The following KCNMB2 variants were observed in gnomAD, a reference collection of about 807,000 sequenced individuals.
KCNMB2 encodes potassium calcium-activated channel subfamily M regulatory beta subunit 2, also known as calcium-activated potassium channel subunit beta-2.
Under a neutral mutation model 24.5 loss-of-function variants are expected in KCNMB2, and 9 were observed. That is an observed-to-expected ratio of 0.37 (90% CI 0.22 to 0.64). The LOEUF (loss-of-function observed/expected upper bound fraction) is 0.64. Among genes scored for constraint, KCNMB2 ranks in the 30% least tolerant of loss-of-function variants. The pLI is 0.63. For missense variants in KCNMB2, 226 were observed against 284.3 expected (o/e 0.79, Z 1.47); for synonymous variants, 109 against 104.4 (o/e 1.04, Z -0.27).
At chr3:178,759,497 G>A (rs1374253884) in intron 1 of KCNMB2, among the ~76,000 whole-genome samples, 3 of 83,300 alleles carry the variant, frequency 3.6e-5, no homozygotes, top group Non-Finnish European at 4.6e-5. Context: ...ATCTCCAAGA[G>A]GATATATATA....
chr3:178,623,083 C>T (rs961077115), intron 1 of KCNMB2, among the ~76,000 whole-genome samples: 2 of 152,062 alleles, frequency 1.3e-5, no homozygotes, highest in Non-Finnish European at 2.9e-5. Context: ...AGAAATAAAG[C>T]CCAAGGAATC....
chr3:178,780,052 T>TA (rs1560018444), intron 1 of KCNMB2, among the ~76,000 whole-genome samples: 65 of 118,130 alleles, frequency 5.5e-4, no homozygotes, highest in African/African-American at 2.0e-3. Context: ...GTTGTTTTTT[T>TA]TAAAAAAAAA....
At chr3:178,695,772 C>T (rs1170880984) in intron 1 of KCNMB2, among the ~76,000 whole-genome samples, 1 of 152,174 alleles carries the variant, frequency 6.6e-6, no homozygotes, top group African/African-American at 2.4e-5. Flanking sequence ...AACTTTCCCA[C>T]ATCTTCCTGT....
At chr3:178,598,570 AG>A (rs1473418426) in intron 1 of KCNMB2, among the ~76,000 whole-genome samples, 2 of 152,054 alleles carry the variant, frequency 1.3e-5, no homozygotes, top group Admixed American at 1.3e-4. Flanking sequence ...GTTAGAAGAA[AG>A]GGGGAAGGAG....
intron 1 of KCNMB2, among the ~76,000 whole-genome samples, chr3:178,748,659 T>C (rs1303289449): frequency 6.6e-6 from 1 of 152,208 alleles, no homozygotes; most frequent in Non-Finnish European, 1.5e-5. Flanking sequence ...GCAGGAAATA[T>C]TCTGAACTTT....
At chr3:178,756,837 C>T (rs1365274305) in intron 1 of KCNMB2, among the ~76,000 whole-genome samples, 2 of 151,952 alleles carry the variant, frequency 1.3e-5, no homozygotes, top group East Asian at 1.9e-4. Flanking sequence ...AAACTCATGC[C>T]TGAATGAAGC....
chr3:178,797,103 A>T (rs1438517925), intron 1 of KCNMB2, among the ~76,000 whole-genome samples: 1 of 152,202 alleles, frequency 6.6e-6, no homozygotes, highest in Non-Finnish European at 1.5e-5. Flanking sequence ...GACTACTACG[A>T]GCAACTATAT....
chr3:178,812,677 C>G (rs1437030253), intron 2 of KCNMB2, among the ~76,000 whole-genome samples: 1 of 152,016 alleles, frequency 6.6e-6, no homozygotes, highest in Non-Finnish European at 1.5e-5. Context: ...TAACCAATTG[C>G]CCCAGCATCA....
chr3:178,824,461 A>T (rs901375159), intron 2 of KCNMB2: 2 of 151,704 alleles, frequency 1.3e-5, no homozygotes, highest in Non-Finnish European at 2.9e-5. Context: ...TCCGCCTCCC[A>T]GGTTCACGCC....
intron 1 of KCNMB2, among the ~76,000 whole-genome samples, chr3:178,699,139 T>C (rs912620195): frequency 6.6e-5 from 10 of 152,158 alleles, no homozygotes; most frequent in African/African-American, 2.4e-4. Flanking sequence ...GCACTAGAAG[T>C]GGTGTTGGCT....
chr3:178,728,676 T>C (rs552887639), intron 1 of KCNMB2, among the ~76,000 whole-genome samples: 4 of 152,138 alleles, frequency 2.6e-5, no homozygotes, highest in African/African-American at 4.8e-5. Context: ...CCTCTACCTG[T>C]GCTGTCCTTT....
chr3:178,684,995 T>C (rs1055259095), intron 1 of KCNMB2, among the ~76,000 whole-genome samples: 7 of 152,232 alleles, frequency 4.6e-5, no homozygotes, highest in African/African-American at 1.7e-4. Context: ...AAGAAATGCA[T>C]ACATCTTTTA....
rs538241001 is a variant in KCNMB2 at position 178,649,311 on chromosome 3, C to T, written c.-68+112600C>T. 1.4e-4 allele frequency among the ~76,000 whole-genome samples: 22 copies of T among 152,224 alleles called. No homozygotes were observed. The East Asian group carries it at 2.7e-3, about 19-fold the overall frequency. ...AAACTAGAGATACTCATAAACATCA[C>T]CTTCTATTCTTTTCATATTTTTACT... is the stretch of plus-strand genomic sequence containing the variant. On this transcript the variant is annotated intron_variant, in intron 1 of 4. Coordinates refer to ENST00000452583, the MANE Select transcript of KCNMB2 (RefSeq NM_181361.3).
In KCNMB2 at chr3:178,628,361, A is replaced by G. The variant is rs1719193732; in HGVS notation, c.-68+91650A>G. On this transcript the variant is annotated intron_variant, in intron 1 of 4. Transcript: ENST00000452583. ...TTGGAAAGAAATCCTATGAAAGGAA[A>G]ATTAATGATCCTGGTTTCTGCCAAT... Among the ~76,000 whole-genome samples the G allele has an allele frequency of 2.0e-5, 3 of 152,206 alleles. No homozygotes were observed. In the South Asian group the frequency reaches 6.2e-4, roughly 31 times the overall value.
At chr3:178,689,367 G>C (rs1336208573) in intron 1 of KCNMB2, among the ~76,000 whole-genome samples, 1 of 152,132 alleles carries the variant, frequency 6.6e-6, no homozygotes, top group Admixed American at 6.5e-5. Context: ...CGGGCACAGT[G>C]GTTCATGCCT....
intron 1 of KCNMB2, among the ~76,000 whole-genome samples, chr3:178,637,384 C>T (rs116593705): frequency 0.012 from 1,764 of 152,202 alleles, 28 homozygotes; most frequent in African/African-American, 0.04. Context: ...TCTTTGTTTC[C>T]TATTTTCTTT....
At chr3:178,691,107 C>CTTTTTTTTTTTTTTTTTCTT (rs1721658515) in intron 1 of KCNMB2, among the ~76,000 whole-genome samples, 1 of 79,688 alleles carries the variant, frequency 1.3e-5, no homozygotes, top group African/African-American at 6.1e-5. Context: ...CCCATTAAGT[C>CTTTTTTTTTTTTTTTTTCTT]TTTTTTTTTT....
Position 178,543,565 on chromosome 3 carries a change from C to G in KCNMB2, c.-68+6854C>G, listed in dbSNP as rs1202647121. On this transcript the variant is annotated intron_variant, in intron 1 of 4. Transcript: ENST00000452583. ...ATTTAATTGCTCAATAAAAATGTCA[C>G]TACCTCCAATTAAACTATTGGGAAA... Among the ~76,000 whole-genome samples, 4 of 152,218 alleles carry G rather than the reference C, an allele frequency of 2.6e-5. No individual in the cohort carries two copies. The East Asian group carries it at 7.7e-4, about 29-fold the overall frequency.
At chr3:178,699,501 A>T (rs1722006916) in intron 1 of KCNMB2, among the ~76,000 whole-genome samples, 1 of 152,156 alleles carries the variant, frequency 6.6e-6, no homozygotes. Context: ...GGGCTGGCTC[A>T]CTGGAGCTCT....
Sources: gnomAD v4.1 joint callset for allele counts (sites outside exome capture counted in the v4.1 genomes callset) on GRCh38, gnomAD v4.1.1 for gene constraint, MANE v1.5 for transcripts, NCBI Gene and HGNC (gene_info 2026-07-23, HGNC 2026-07-21) for gene names.